Variants in CMAS observed in about 807,000 individuals in gnomAD.
CMAS encodes cytidine monophosphate N-acetylneuraminic acid synthetase, also known as N-acylneuraminate cytidylyltransferase.
A neutral mutation model predicts 53.4 loss-of-function variants in CMAS; 21 were observed. That is an observed-to-expected ratio of 0.39 (90% CI 0.28 to 0.57). The LOEUF is 0.57. CMAS is among the 20% of genes least tolerant of loss of function. CMAS has a pLI of 0.56. For synonymous variants in CMAS, 189 were observed against 195.2 expected, an observed-to-expected ratio of 0.97 and a Z score of 0.27; for missense variants, 384 against 534.9, an observed-to-expected ratio of 0.72 and a Z score of 2.78.
intron 1 of CMAS, among the ~76,000 whole-genome samples, chr12:22,050,641 T>G (rs2138178199): frequency 6.6e-6 from 1 of 152,270 alleles, no homozygotes; most frequent in East Asian, 1.9e-4. Context: ...ATAGTAAATA[T>G]TTTAGGTTTT....
At chr12:22,056,706 GA>G (rs1418643617) in intron 3 of CMAS, among the ~76,000 whole-genome samples, 1 of 152,096 alleles carries the variant, frequency 6.6e-6, no homozygotes, top group Non-Finnish European at 1.5e-5. Flanking sequence ...ATTAGGTGGG[GA>G]AAAACGAGCT....
chr12:22,052,974 C>T (rs181591077), intron 1 of CMAS, among the ~76,000 whole-genome samples: 3 of 152,266 alleles, frequency 2.0e-5, no homozygotes, highest in African/African-American at 7.2e-5. Flanking sequence ...CACTTTCTTT[C>T]CACTCATGAT....
chr12:22,062,244 C>A, intron 6 of CMAS, 37 bp from the exon 7 acceptor site: 1 of 1,532,854 alleles, frequency 6.5e-7, no homozygotes, highest in East Asian at 2.3e-5. Context: ...TTAATTTTTC[C>A]CTTCTTCCTC....
chr12:22,058,249 A>AC (rs1476490739), intron 3 of CMAS, among the ~76,000 whole-genome samples: 1 of 149,922 alleles, frequency 6.7e-6, no homozygotes, highest in Non-Finnish European at 1.5e-5. Flanking sequence ...ACATGGTGAA[A>AC]CCCCATCTCC....
At position 22,058,706 on chromosome 12, in the gene CMAS, T is replaced by C; in HGVS notation, c.693+6T>C. Reference sequence around the variant, plus strand: ...TAGAGATGGGTTACTTGCAGGTTTGTACCTTCATTTTGCATAACCCTTTTA... The same window carrying C: ...TAGAGATGGGTTACTTGCAGGTTTGCACCTTCATTTTGCATAACCCTTTTA... On this transcript the variant is annotated splice_donor_region_variant and intron_variant, in intron 4 of 7. Coordinates refer to ENST00000229329, the MANE Select transcript of CMAS (RefSeq NM_018686.6). 9.9e-6 allele frequency: 16 copies of C among 1,612,132 alleles called. No homozygotes were observed. Among genetic ancestry groups the C allele is most frequent in the Non-Finnish European group, 1.4e-5 (16 of 1,179,188 alleles).
In CMAS at chr12:22,062,385, T is replaced by G; in HGVS notation, c.1065T>G (p.Asp355Glu). The G allele has an allele frequency of 6.2e-7, 1 of 1,613,682 alleles. No homozygotes were observed. The highest frequency in any genetic ancestry group is 8.5e-7 in the Non-Finnish European group (1 of 1,179,834). ...TATCAGACAAGCTAGCAGTTGTAGA[T>G]GAATGGAGAAAAGAAATGGGCCTGT... ...VSVSDKLAVV[D>E]EWRKEMGLCW... is the part of the protein sequence containing the mutation. Residue 355 changes from aspartate (D) to glutamate (E), a missense_variant, in exon 7 of 8, where the codon GAT becomes GAG. Asp to Glu is a conservative substitution (Grantham distance 45, BLOSUM62 2). Coordinates refer to ENST00000229329, the MANE Select transcript of CMAS (RefSeq NM_018686.6).
At chr12:22,059,222 T>G (rs1038810444) in intron 4 of CMAS, among the ~76,000 whole-genome samples, 24 of 150,732 alleles carry the variant, frequency 1.6e-4, no homozygotes, top group African/African-American at 5.6e-4. Flanking sequence ...TCATTTTATC[T>G]GTCCTGACTC....
chr12:22,055,706 G>T (rs1283572885), intron 3 of CMAS, 96 bp downstream of exon 3: 1 of 1,010,046 alleles, frequency 9.9e-7, no homozygotes, highest in East Asian at 2.5e-5. Flanking sequence ...TAAAAGGGGA[G>T]CTGTAAAAGA....
Position 22,062,289 on chromosome 12 carries a change from A to G in CMAS, c.969A>G (p.Leu323=). The change falls in exon 7 of 8, where the codon CTA becomes CTG. Residue 323 remains leucine (L), a synonymous_variant. Transcript: ENST00000229329. ...TTTTTTTTTTTTTTAAGGTGAGGCT[A>G]ATCTCAGAAAGGGCCTGTTCAAAGC... ...LLKKSGIEVR[L]ISERACSKQT... 1 of 1,575,504 alleles carries G rather than the reference A, an allele frequency of 6.3e-7. No individual in the cohort carries two copies. Among genetic ancestry groups the G allele is most frequent in the South Asian group, 1.2e-5 (1 of 84,080 alleles).
Position 22,046,238 on chromosome 12 carries a change from C to T in CMAS, c.-66C>T. On this transcript the variant is annotated 5_prime_UTR_variant, in exon 1 of 8. Coordinates refer to ENST00000229329, the MANE Select transcript of CMAS (RefSeq NM_018686.6). Reference sequence around the variant, plus strand: ...CTGCCAGGCGGGGATCGGGCGGCGCCGAGCTGAGGTGGTGAGGGACTAGCT... The same window carrying T: ...CTGCCAGGCGGGGATCGGGCGGCGCTGAGCTGAGGTGGTGAGGGACTAGCT... The T allele has an allele frequency of 1.5e-6, 2 of 1,363,614 alleles. No homozygotes were observed. The highest frequency in any genetic ancestry group is 1.9e-6 in the Non-Finnish European group (2 of 1,051,592). The allele number at this position is 1,363,614 out of a possible 1,614,324, so 84.5% of individuals were successfully genotyped here. A position where few individuals can be genotyped will look rare whatever the true frequency, so the allele number is the denominator to read the frequency against.
intron 5 of CMAS, 55 bp downstream of exon 5, chr12:22,060,981 C>G: frequency 9.4e-7 from 1 of 1,065,844 alleles, no homozygotes; most frequent in Admixed American, 1.8e-5. Context: ...AATTATATTT[C>G]TAGATACTGA....
At chr12:22,065,083 T>C in intron 7 of CMAS, 38 bp from the exon 8 acceptor site, 8 of 1,514,060 alleles carry the variant, frequency 5.3e-6, no homozygotes, top group Non-Finnish European at 7.2e-6. Flanking sequence ...ATTCTTTGTC[T>C]CTTTAAATGT....
Position 22,055,242 on chromosome 12 carries a change from C to T in CMAS, c.354C>T (p.Asp118=), listed in dbSNP as rs201015690. Residue 118 remains aspartate, a synonymous_variant, in exon 2 of 8, where the codon GAC becomes GAT. Coordinates refer to ENST00000229329, the MANE Select transcript of CMAS (RefSeq NM_018686.6). ...VHRRSSEVSK[D]SSTSLDAIIE... ...GAAGAAGTTCTGAAGTTTCAAAAGA[C>T]AGCTCTACCTCACTAGATGCCATCA... 4.3e-6 allele frequency: 7 copies of T among 1,610,940 alleles called. No homozygotes were observed. In the East Asian group the frequency reaches 1.6e-4, roughly 36 times the overall value.
In CMAS at chr12:22,055,548, A is replaced by G. The variant is rs1950262588; in HGVS notation, c.497A>G (p.Tyr166Cys). Reference sequence around the variant, plus strand: ...GCAGAAATGATTCGAGAAGAAGGATATGATTCTGTTTTCTCTGTTGTGAGA... The same window carrying G: ...GCAGAAATGATTCGAGAAGAAGGATGTGATTCTGTTTTCTCTGTTGTGAGA... ...KVAEMIREEG[Y>C]DSVFSVVRRH... The change falls in exon 3 of 8, where the codon TAT (tyrosine) becomes TGT (cysteine). Residue 166 changes from tyrosine (Y) to cysteine (C), a missense_variant. Tyr to Cys is a radical substitution (Grantham distance 194). Coordinates refer to ENST00000229329, the MANE Select transcript of CMAS (RefSeq NM_018686.6). 1 of 1,612,680 alleles carries G rather than the reference A, an allele frequency of 6.2e-7. No homozygotes were observed. The highest frequency in any genetic ancestry group is 2.2e-5 in the East Asian group (1 of 44,806).
At chr12:22,060,544 C>A in intron 4 of CMAS, 1 of 266,248 alleles carries the variant, frequency 3.8e-6, no homozygotes, top group Non-Finnish European at 7.3e-6. Context: ...GTACCAGATC[C>A]TTAGGAGGCT....
Position 22,065,356 on chromosome 12 carries a change from C to T in CMAS, c.*45C>T, listed in dbSNP as rs766635784. On this transcript the variant is annotated 3_prime_UTR_variant, in exon 8 of 8. Transcript: ENST00000229329. ...AAAAAAATGATACAGCCTTCTTCAG[C>T]CAGTTTGCTTTTATTTTTGATTAAG... 1.4e-6 allele frequency: 2 copies of T among 1,479,208 alleles called. No homozygotes were observed. Among genetic ancestry groups the T allele is most frequent in the African/African-American group, 1.4e-5 (1 of 71,906 alleles). 91.6% of individuals were successfully genotyped at this position (1,479,208 alleles called of 1,614,324 possible).
At chr12:22,063,324 A>C (rs895011288) in intron 7 of CMAS, among the ~76,000 whole-genome samples, 15 of 152,220 alleles carry the variant, frequency 9.9e-5, no homozygotes, top group African/African-American at 3.1e-4. Flanking sequence ...ACACATGAAG[A>C]TTTAATGGAC....
In CMAS at chr12:22,065,424, G is replaced by GTGAT. The variant is rs912028659; in HGVS notation, c.*114_*117dup. The GTGAT allele has an allele frequency of 1.4e-5, 11 of 767,068 alleles. No homozygotes were observed. The Admixed American group carries it at 2.9e-4, about 20-fold the overall frequency. The allele number at this position is 767,068 out of a possible 1,614,324, so 47.5% of individuals were successfully genotyped here. On this transcript the variant is annotated 3_prime_UTR_variant, in exon 8 of 8. Transcript: ENST00000229329. ...TGTTACAGAGAGTGTGATTTGGTTTGTGATATATATATATTGTGCTCTACT... is the reference window on the plus strand; with the variant it reads ...TGTTACAGAGAGTGTGATTTGGTTTGTGATTGATATATATATATTGTGCTCTACT...
intron 3 of CMAS, among the ~76,000 whole-genome samples, chr12:22,057,131 G>A (rs1025539726): frequency 6.6e-6 from 1 of 151,864 alleles, no homozygotes; most frequent in African/African-American, 2.4e-5. Context: ...GGATGATTTC[G>A]TTAAACAAGT....
Sources: gnomAD v4.1 joint callset for allele counts (sites outside exome capture counted in the v4.1 genomes callset) on GRCh38, gnomAD v4.1.1 for gene constraint, MANE v1.5 for transcripts, NCBI Gene and HGNC (gene_info 2026-07-23, HGNC 2026-07-21) for gene names.